The following ZHX3 variants were observed in gnomAD, a reference collection of about 807,000 sequenced individuals.
The protein encoded by ZHX3 is zinc fingers and homeoboxes protein 3.
Under a neutral mutation model 64.5 loss-of-function variants are expected in ZHX3, and 20 were observed. The ratio of observed to expected loss-of-function variants is 0.31; its 90% confidence interval spans 0.22 to 0.45. The LOEUF is 0.45. Among genes scored for constraint, ZHX3 ranks in the 20% least tolerant of loss-of-function variants. The pLI, the probability that ZHX3 is intolerant of heterozygous loss-of-function variation, is 1.00. For synonymous variants in ZHX3, 423 were observed against 461.6 expected, an observed-to-expected ratio of 0.92 and a Z score of 1.07; for missense variants, 1,041 against 1,195.8, an observed-to-expected ratio of 0.87 and a Z score of 1.91.
intron 2 of ZHX3, among the ~76,000 whole-genome samples, chr20:41,236,728 A>G (rs2041021905): frequency 1.3e-5 from 2 of 152,224 alleles, no homozygotes; most frequent in South Asian, 4.1e-4. Context: ...CTTCATGTCT[A>G]AAACACCAAA....
At position 41,277,699 on chromosome 20, in the gene ZHX3, C is replaced by T. The variant is rs561707824; in HGVS notation, c.-244-8616G>A. Among the ~76,000 whole-genome samples the T allele has an allele frequency of 3.3e-5, 5 of 149,886 alleles. 1 individual carries two copies. Among genetic ancestry groups the T allele is most frequent in the East Asian group, 4.0e-4 (2 of 5,022 alleles). On this transcript the variant is annotated intron_variant, in intron 1 of 3. Transcript: ENST00000683867. ...CTCCGCCTCCCGGGTTCATGCCATT[C>T]TCCTGCCTCAGCCTCCTGAGTAGCT...
At chr20:41,282,818 A>G (rs2043756835) in intron 1 of ZHX3, among the ~76,000 whole-genome samples, 1 of 152,188 alleles carries the variant, frequency 6.6e-6, no homozygotes, top group African/African-American at 2.4e-5. Context: ...TCCTAAAGAT[A>G]ATTATTTTGA....
chr20:41,280,551 A>G (rs1408734157), intron 1 of ZHX3, among the ~76,000 whole-genome samples: 1 of 152,210 alleles, frequency 6.6e-6, no homozygotes, highest in Non-Finnish European at 1.5e-5. Flanking sequence ...TGGGGAATAA[A>G]AAAACAAAGC....
rs1447783619 is a variant in ZHX3 at position 41,202,386 on chromosome 20, G to C, written c.2531C>G (p.Pro844Arg). 3.1e-6 allele frequency: 5 copies of C among 1,614,196 alleles called. No homozygotes were observed. The highest frequency in any genetic ancestry group is 1.6e-4 in the Middle Eastern group (1 of 6,062). ...NFPPGLLVIA[P>R]GNRELLQDYY... ...GTCCTGCAGGAGCTCCCGGTTGCCAGGGGCAATGACCAGTAGCCCTGGTGG... is the reference window on the plus strand; with the variant it reads ...GTCCTGCAGGAGCTCCCGGTTGCCACGGGCAATGACCAGTAGCCCTGGTGG... Residue 844 changes from proline (P) to arginine (R), a missense_variant, in exon 3 of 4, where the codon CCT becomes CGT. Transcript: ENST00000683867. The surrounding 1 kb of genome is among the most constrained non-coding windows in gnomAD (Gnocchi z 7.0).
At position 41,215,759 on chromosome 20, in the gene ZHX3, C is replaced by G. The variant is rs369567431; in HGVS notation, c.-150-10693G>C. Among the ~76,000 whole-genome samples the G allele has an allele frequency of 4.4e-5, 6 of 135,568 alleles. No homozygotes were observed. In the East Asian group the frequency reaches 1.1e-3, roughly 25 times the overall value. 88.9% of individuals were successfully genotyped at this position (135,568 alleles called of 152,430 possible). A position where few individuals can be genotyped will look rare whatever the true frequency, so the allele number is the denominator to read the frequency against. On this transcript the variant is annotated intron_variant, in intron 2 of 3. Transcript: ENST00000683867. ...ACCATCCTGGCTAACACGGTGAAAC[C>G]ACGTCTCTACTAAAAAAAAAAAAAA...
chr20:41,188,985 A>C (rs922264383), intron 3 of ZHX3, among the ~76,000 whole-genome samples: 3 of 152,172 alleles, frequency 2.0e-5, no homozygotes, highest in African/African-American at 7.2e-5. Flanking sequence ...AAGGTCTTAT[A>C]TTTAAATCTT....
chr20:41,222,125 A>G (rs780373826), intron 2 of ZHX3, among the ~76,000 whole-genome samples: 4 of 152,254 alleles, frequency 2.6e-5, no homozygotes, highest in Non-Finnish European at 5.9e-5. Context: ...TCAGACATCA[A>G]TCTAGGCAGG....
intron 2 of ZHX3, among the ~76,000 whole-genome samples, chr20:41,214,306 G>C (rs2039369722): frequency 6.6e-6 from 1 of 152,088 alleles, no homozygotes; most frequent in Admixed American, 6.6e-5. Flanking sequence ...ATAAACCCAA[G>C]AAAAGGCACT....
At position 41,202,611 on chromosome 20, in the gene ZHX3, C is replaced by A. The variant is rs779732843; in HGVS notation, c.2306G>T (p.Cys769Phe). 9 of 1,613,726 alleles carry A rather than the reference C, an allele frequency of 5.6e-6. No homozygotes were observed. Among genetic ancestry groups the A allele is most frequent in the South Asian group, 1.1e-5 (1 of 91,084 alleles). ...LAEQLPGKVSCKKTAQQRHLL... is the reference protein window; with the variant it reads ...LAEQLPGKVSFKKTAQQRHLL... ...GTGCCGCTGCTGGGCAGTCTTTTTGCAGCTCACTTTGCCTGGGAGCTGCTC... is the reference window on the plus strand; with the variant it reads ...GTGCCGCTGCTGGGCAGTCTTTTTGAAGCTCACTTTGCCTGGGAGCTGCTC... The change falls in exon 3 of 4, where the codon TGC (cysteine) becomes TTC (phenylalanine). Residue 769 changes from cysteine (C) to phenylalanine (F), a missense_variant. By Grantham distance (205) the Cys-to-Phe change is radical. Around this residue, in one of 4 missense-constraint regions of ZHX3, gnomAD observed 649 missense variants for 739.8 expected, o/e 0.88. Transcript: ENST00000683867. This position sits in a 1 kb window ranked among gnomAD's most constrained non-coding sequence, Gnocchi z 7.0.
intron 2 of ZHX3, among the ~76,000 whole-genome samples, chr20:41,221,901 G>C (rs1025522457): frequency 4.6e-5 from 7 of 152,342 alleles, no homozygotes; most frequent in Admixed American, 4.6e-4. Context: ...AGAGACAGTA[G>C]TATGAGACAA....
intron 3 of ZHX3, chr20:41,196,809 A>T (rs1473036857): frequency 1.8e-5 from 3 of 169,216 alleles, no homozygotes; most frequent in African/African-American, 7.3e-5. Flanking sequence ...AAAGATTCAC[A>T]CATCACCCAC....
intron 1 of ZHX3, among the ~76,000 whole-genome samples, chr20:41,300,291 G>C (rs2044753816): frequency 6.6e-6 from 1 of 152,128 alleles, no homozygotes; most frequent in African/African-American, 2.4e-5. Flanking sequence ...CAGATTCTTA[G>C]TCATTTTTTT....
chr20:41,196,438 A>G (rs2037576529), intron 3 of ZHX3, among the ~76,000 whole-genome samples: 1 of 66,294 alleles, frequency 1.5e-5, no homozygotes, highest in African/African-American at 6.2e-5. Context: ...ATATAAATAT[A>G]TATATTATAT....
In ZHX3 at chr20:41,195,917, C is replaced by T. The variant is rs549016767; in HGVS notation, c.2860+6140G>A. On this transcript the variant is annotated intron_variant, in intron 3 of 3. Transcript: ENST00000683867. The surrounding 1 kb of genome is among the most constrained non-coding windows in gnomAD (Gnocchi z 4.2). The stretch of plus-strand genomic sequence containing the variant: ...TTGTGTATTTCCACTTTTTTATTTT[C>T]AATGTCTAGTTTCATTCCACTGTAA... Among the ~76,000 whole-genome samples the T allele has an allele frequency of 6.6e-6, 1 of 152,008 alleles. No individual in the cohort carries two copies. The highest frequency in any genetic ancestry group is 2.4e-5 in the African/African-American group (1 of 41,454).
At chr20:41,292,106 C>T (rs1335226582) in intron 1 of ZHX3, among the ~76,000 whole-genome samples, 1 of 149,732 alleles carries the variant, frequency 6.7e-6, no homozygotes, top group Non-Finnish European at 1.5e-5. Flanking sequence ...TGAATATTGG[C>T]ATTATTGCTT....
At chr20:41,258,454 ATTTAG>A (rs574839645) in intron 2 of ZHX3, among the ~76,000 whole-genome samples, 183 of 152,178 alleles carry the variant, frequency 1.2e-3, no homozygotes, top group African/African-American at 4.3e-3. Context: ...TCCCCGCTGT[ATTTAG>A]TTGTTATTTA....
chr20:41,273,570 G>A (rs2043248012), intron 1 of ZHX3, among the ~76,000 whole-genome samples: 2 of 152,132 alleles, frequency 1.3e-5, no homozygotes, highest in African/African-American at 4.8e-5. Context: ...TCTTTTGCAT[G>A]TAGATAACCA....
intron 2 of ZHX3, among the ~76,000 whole-genome samples, chr20:41,239,227 T>C (rs1251993017): frequency 6.6e-6 from 1 of 151,830 alleles, no homozygotes; most frequent in East Asian, 1.9e-4. Context: ...GCCAGGATGC[T>C]CTCGGTCTCC....
chr20:41,234,707 G>A (rs958794872), intron 2 of ZHX3, among the ~76,000 whole-genome samples: 3 of 152,230 alleles, frequency 2.0e-5, no homozygotes, highest in African/African-American at 7.2e-5. Flanking sequence ...TTTGGTTACT[G>A]GCTGCAAGCC....
Sources: allele counts gnomAD v4.1 joint callset (sites outside exome capture counted in the v4.1 genomes callset), GRCh38; gene constraint gnomAD v4.1.1; regional missense constraint gnomAD v4.1.1; non-coding constraint Gnocchi (gnomAD v3.1); transcripts MANE v1.5; gene names NCBI Gene and HGNC (gene_info 2026-07-23, HGNC 2026-07-21).